Variants in LCORL observed in about 807,000 individuals in gnomAD.
LCORL encodes the protein ligand-dependent nuclear receptor corepressor-like protein.
Under a neutral mutation model 141.8 loss-of-function variants are expected in LCORL, and 41 were observed. The observed-to-expected ratio is 0.29, with a 90% confidence interval of 0.23 to 0.38. The LOEUF (loss-of-function observed/expected upper bound fraction) is 0.38, where lower values mean the gene tolerates loss of function less well. Ranked by LOEUF, LCORL falls within the 10% of genes least tolerant of loss-of-function variation. The probability of loss-of-function intolerance (pLI) is 1.00; values close to 1 mark genes in which losing one functional copy is unlikely to be tolerated. For synonymous variants in LCORL, 618 were observed against 694.1 expected, an observed-to-expected ratio of 0.89 and a Z score of 1.72; for missense variants, 1,759 against 2,035.0, an observed-to-expected ratio of 0.86 and a Z score of 2.61.
chr4:17,990,104 T>TG (rs1304171072), intron 1 of LCORL, among the ~76,000 whole-genome samples: 30 of 150,016 alleles, frequency 2.0e-4, no homozygotes, highest in Admixed American at 1.9e-3. Flanking sequence ...GCGTTTTTTT[T>TG]TTTTTTTTTT....
intron 1 of LCORL, among the ~76,000 whole-genome samples, chr4:17,996,612 C>G (rs1014191656): frequency 1.3e-5 from 2 of 151,902 alleles, no homozygotes; most frequent in African/African-American, 4.8e-5. Flanking sequence ...ATATTTTATT[C>G]CTTTAAATGC....
intron 1 of LCORL, among the ~76,000 whole-genome samples, chr4:18,016,641 G>GAA (rs1158037393): frequency 1.3e-5 from 2 of 152,058 alleles, no homozygotes; most frequent in East Asian, 3.8e-4. Flanking sequence ...TAATATTTTT[G>GAA]AAAAATATAA....
Position 17,994,321 on chromosome 4 carries a change from G to A in LCORL, c.155-21436C>T, listed in dbSNP as rs534775582. On this transcript the variant is annotated intron_variant, in intron 1 of 7. Transcript: ENST00000635767. ...AAAATAAAAGAAAAATCAATATTCC[G>A]TCTCATGTCATGCTACTCCCTGACC... is the stretch of plus-strand genomic sequence containing the variant. 2.3e-4 allele frequency among the ~76,000 whole-genome samples: 35 copies of A among 151,828 alleles called. No individual in the cohort carries two copies. In the South Asian group the frequency reaches 2.7e-3, roughly 12 times the overall value.
chr4:17,845,490 T>C (rs978564212), exon 8 of LCORL: 11 of 367,190 alleles, frequency 3.0e-5, no homozygotes, highest in East Asian at 2.2e-4. Context: ...AAAATTCACA[T>C]AATACCACTA....
chr4:17,890,833 T>G (rs1341544588), intron 5 of LCORL, among the ~76,000 whole-genome samples: 1 of 152,132 alleles, frequency 6.6e-6, no homozygotes, highest in East Asian at 1.9e-4. Context: ...ATTGGGTTTT[T>G]AGTTAAAATT....
intron 4 of LCORL, among the ~76,000 whole-genome samples, chr4:17,952,538 C>A (rs1191164085): frequency 6.6e-6 from 1 of 151,810 alleles, no homozygotes; most frequent in Non-Finnish European, 1.5e-5. Flanking sequence ...GCCTCAGCCT[C>A]CCCTGTAGCT....
In LCORL at chr4:17,999,015, T is replaced by TACACAC. The variant is rs1560464435; in HGVS notation, c.154+22582_154+22583insGTGTGT. ...ATATATATATATATACACACATATA[T>TACACAC]ATATATATATATATAGTATAGTAAA... On this transcript the variant is annotated intron_variant, in intron 1 of 7. Coordinates refer to ENST00000635767, the Ensembl canonical transcript of LCORL. 1.7e-3 allele frequency among the ~76,000 whole-genome samples: 187 copies of TACACAC among 112,400 alleles called. 2 individuals carry two copies. The highest frequency in any genetic ancestry group is 1.8e-3 in the Non-Finnish European group (98 of 55,018). The allele number at this position is 112,400 out of a possible 152,430, so 73.7% of individuals were successfully genotyped here.
chr4:17,940,439 T>C (rs1410906424), intron 4 of LCORL, among the ~76,000 whole-genome samples: 2 of 147,754 alleles, frequency 1.4e-5, no homozygotes, highest in Admixed American at 6.8e-5. Context: ...TACTATAATA[T>C]AGTAATATAT....
chr4:17,861,928 G>A (rs539047802), intron 7 of LCORL, among the ~76,000 whole-genome samples: 1 of 152,266 alleles, frequency 6.6e-6, no homozygotes, highest in South Asian at 2.1e-4. Context: ...GACCACCTCA[G>A]CCTTGACCTT....
intron 5 of LCORL, among the ~76,000 whole-genome samples, chr4:17,897,480 T>C (rs1196572961): frequency 6.6e-6 from 1 of 151,994 alleles, no homozygotes; most frequent in Non-Finnish European, 1.5e-5. Flanking sequence ...GAATTTTCTT[T>C]AAATGATTTG....
At chr4:18,007,860 A>T (rs962636871) in intron 1 of LCORL, among the ~76,000 whole-genome samples, 2 of 152,192 alleles carry the variant, frequency 1.3e-5, no homozygotes, top group East Asian at 3.9e-4. Context: ...TCATAGGCAA[A>T]TTCTATTCTA....
chr4:17,986,592 T>C (rs969520917), intron 1 of LCORL, among the ~76,000 whole-genome samples: 2 of 152,184 alleles, frequency 1.3e-5, no homozygotes, highest in African/African-American at 4.8e-5. Context: ...GTAGTGTGTT[T>C]TTCTGCTCTA....
At chr4:17,932,844 C>G (rs1736269370) in intron 4 of LCORL, among the ~76,000 whole-genome samples, 1 of 152,188 alleles carries the variant, frequency 6.6e-6, no homozygotes, top group Non-Finnish European at 1.5e-5. Context: ...AAAATGTTTG[C>G]TGACTACAGC....
chr4:17,906,968 C>T (rs1320575326), intron 5 of LCORL, among the ~76,000 whole-genome samples: 2 of 152,214 alleles, frequency 1.3e-5, no homozygotes, highest in Non-Finnish European at 2.9e-5. Context: ...AGGTGTGAGC[C>T]ACCATGCCCG....
intron 1 of LCORL, among the ~76,000 whole-genome samples, chr4:18,000,126 CTT>C (rs11407271): frequency 2.3e-3 from 300 of 130,626 alleles, no homozygotes; most frequent in African/African-American, 6.7e-3. Context: ...ATTTGTGGTT[CTT>C]TTTTTTTTTT....
chr4:17,884,372 G>A lies in LCORL; in HGVS notation c.776+1696C>T. ...AAACTGAGTGACCATTTTCTGTAGAGTTAGCTGATGGAGGTAAGTGGAAGC... is the reference window on the plus strand; with the variant it reads ...AAACTGAGTGACCATTTTCTGTAGAATTAGCTGATGGAGGTAAGTGGAAGC... On this transcript the variant is annotated intron_variant, in intron 6 of 7. Coordinates refer to ENST00000635767, the Ensembl canonical transcript of LCORL. This position sits in a 1 kb window ranked among gnomAD's most constrained non-coding sequence, Gnocchi z 4.4. 6.5e-7 allele frequency: 1 copy of A among 1,547,512 alleles called. No homozygotes were observed.
At chr4:17,911,877 CG>C in intron 4 of LCORL, 4 of 476,912 alleles carry the variant, frequency 8.4e-6, no homozygotes, top group East Asian at 4.8e-5. Context: ...TGGGGATGGC[CG>C]GGGGTCTGGC....
intron 7 of LCORL, among the ~76,000 whole-genome samples, chr4:17,869,618 C>T (rs1246747527): frequency 6.6e-6 from 1 of 152,052 alleles, no homozygotes; most frequent in Non-Finnish European, 1.5e-5. Flanking sequence ...TTTGAGGCTC[C>T]GACTCCCTAG....
chr4:17,916,446 A>G (rs749526466), intron 4 of LCORL, among the ~76,000 whole-genome samples: 3 of 152,086 alleles, frequency 2.0e-5, no homozygotes, highest in African/African-American at 7.2e-5. Flanking sequence ...CCCTCAGTCC[A>G]CGTGAGATCT....
Sources: allele counts gnomAD v4.1 joint callset (sites outside exome capture counted in the v4.1 genomes callset), GRCh38; gene constraint gnomAD v4.1.1; non-coding constraint Gnocchi (gnomAD v3.1); transcripts MANE v1.5; gene names NCBI Gene and HGNC (gene_info 2026-07-23, HGNC 2026-07-21).